The following TLE4 variants were observed in gnomAD, a reference collection of about 807,000 sequenced individuals.
TLE4 encodes the protein transducin-like enhancer protein 4.
In TLE4, 8 loss-of-function variants were observed where a neutral mutation model predicts 92.8. That is an observed-to-expected ratio of 0.09 (90% confidence interval 0.05 to 0.16). The LOEUF (loss-of-function observed/expected upper bound fraction) is 0.16. Among genes scored for constraint, TLE4 ranks in the 10% least tolerant of loss-of-function variants. The pLI, the probability that TLE4 is intolerant of heterozygous loss-of-function variation, is 1.00. For missense variants in TLE4, 675 were observed against 997.6 expected (o/e 0.68, Z 4.36); for synonymous variants, 371 against 374.1 (o/e 0.99, Z 0.10).
intron 4 of TLE4, among the ~76,000 whole-genome samples, chr9:79,592,636 T>C (rs2042995869): frequency 1.3e-5 from 2 of 152,140 alleles, no homozygotes; most frequent in South Asian, 4.1e-4. Context: ...TATATAGACA[T>C]AGTGGAATTT....
At chr9:79,590,788 T>G in intron 4 of TLE4, among the ~76,000 whole-genome samples, 1 of 152,224 alleles carries the variant, frequency 6.6e-6, no homozygotes, top group Non-Finnish European at 1.5e-5. Context: ...TTTGCCACTT[T>G]CTTTCTGTTT....
rs1289129856 is a variant in TLE4, at chr9:79,726,302, T to TG, written c.*1159dup. On this transcript the variant is annotated 3_prime_UTR_variant, in exon 20 of 20. Transcript: ENST00000376552. ...GTGTTATCTTTTATGTTGTTGTTGT[T>TG]GCTGTTAAACTATAATATGTGACTT... 6.5e-6 allele frequency: 1 copy of TG among 152,672 alleles called. No homozygotes were observed. The highest frequency in any genetic ancestry group is 1.5e-5 in the Non-Finnish European group (1 of 68,048). 9.5% of individuals were successfully genotyped at this position (152,672 alleles called of 1,614,324 possible). A position where few individuals can be genotyped will look rare whatever the true frequency, so the allele number is the denominator to read the frequency against.
At chr9:79,636,268 G>C (rs1429925492) in intron 6 of TLE4, among the ~76,000 whole-genome samples, 1 of 151,966 alleles carries the variant, frequency 6.6e-6, no homozygotes. Context: ...GACCAGCCTG[G>C]GCAACAGCAG....
At chr9:79,573,092 C>G (rs1208892750) in intron 1 of TLE4, among the ~76,000 whole-genome samples, 2 of 152,082 alleles carry the variant, frequency 1.3e-5, no homozygotes, top group Admixed American at 6.5e-5. Flanking sequence ...CGCGCCGAGC[C>G]GTTTGCGGTC....
At position 79,592,219 on chromosome 9, in the gene TLE4, T is replaced by C. The variant is rs572938702; in HGVS notation, c.252+16042T>C. ...CTTCTTCTTCTTCTTCTTCTTCCTCTTCTTCTTCTTCTTCTTCCTTCTGCT... is the reference window on the plus strand; with the variant it reads ...CTTCTTCTTCTTCTTCTTCTTCCTCCTCTTCTTCTTCTTCTTCCTTCTGCT... On this transcript the variant is annotated intron_variant, in intron 4 of 19. Transcript: ENST00000376552. Among the ~76,000 whole-genome samples, 584 of 127,636 alleles carry C rather than the reference T, an allele frequency of 4.6e-3. 3 individuals are homozygous for C. Among genetic ancestry groups the C allele is most frequent in the Non-Finnish European group, 6.7e-3 (416 of 62,446 alleles). The allele number at this position is 127,636 out of a possible 152,430, so 83.7% of individuals were successfully genotyped here.
chr9:79,599,064 T>C (rs1282337667), intron 4 of TLE4, among the ~76,000 whole-genome samples: 2 of 152,194 alleles, frequency 1.3e-5, no homozygotes, highest in African/African-American at 4.8e-5. Flanking sequence ...AATCTCTTCT[T>C]TCCGTCCACA....
chr9:79,690,598 C>T (rs1160953242), intron 8 of TLE4, among the ~76,000 whole-genome samples: 3 of 151,744 alleles, frequency 2.0e-5, no homozygotes, highest in African/African-American at 7.3e-5. Context: ...TTTAGGTTAC[C>T]TAAGACTCCT....
intron 4 of TLE4, among the ~76,000 whole-genome samples, chr9:79,592,216 CTCTTCTTCT>C (rs528773975): frequency 1.0e-5 from 1 of 98,288 alleles, no homozygotes; most frequent in Non-Finnish European, 2.1e-5. Flanking sequence ...CTTCTTCTTC[CTCTTCTTCT>C]TCTTCTTCTT....
chr9:79,614,188 A>G (rs112864195), intron 5 of TLE4, among the ~76,000 whole-genome samples: 7 of 152,232 alleles, frequency 4.6e-5, no homozygotes, highest in Admixed American at 2.6e-4. Context: ...AGAATGTGTG[A>G]CCTACAGAGC....
At chr9:79,656,313 G>A (rs1432806960) in intron 8 of TLE4, among the ~76,000 whole-genome samples, 16 of 152,104 alleles carry the variant, frequency 1.1e-4, no homozygotes, top group Non-Finnish European at 1.2e-4. Flanking sequence ...CAGCCAGAGC[G>A]TGCCAGTTGC....
At chr9:79,602,539 C>T (rs1113107) in intron 4 of TLE4, among the ~76,000 whole-genome samples, 40,900 of 152,070 alleles carry the variant, frequency 0.27, 6,192 homozygotes, top group African/African-American at 0.42. Context: ...AACTACAAAG[C>T]CTGGGTGACA....
At chr9:79,646,856 T>A (rs1023070431) in intron 6 of TLE4, among the ~76,000 whole-genome samples, 2 of 152,182 alleles carry the variant, frequency 1.3e-5, no homozygotes, top group African/African-American at 4.8e-5. Flanking sequence ...GATGCCTGAG[T>A]ATAATTTTTC....
At chr9:79,573,889 C>CAAA in intron 2 of TLE4, 103 bp downstream of exon 2, 1 of 774,342 alleles carries the variant, frequency 1.3e-6, no homozygotes, top group Non-Finnish European at 1.9e-6. Context: ...GGGGGCGTCA[C>CAAA]AAAGGTATTA....
intron 4 of TLE4, among the ~76,000 whole-genome samples, chr9:79,589,310 T>G (rs1214542673): frequency 6.6e-6 from 1 of 152,204 alleles, no homozygotes; most frequent in East Asian, 1.9e-4. Context: ...GTACTTAACC[T>G]TTTCAGGTTT....
chr9:79,573,464 CG>C (rs2036550294), intron 1 of TLE4: 1 of 1,035,868 alleles, frequency 9.7e-7, no homozygotes, highest in African/African-American at 1.7e-5. Flanking sequence ...GTCCGGGGCG[CG>C]GGGGCCTGCG....
At chr9:79,573,809 A>G (rs2036734994) in intron 2 of TLE4, 23 bp downstream of exon 2, 2 of 1,517,898 alleles carry the variant, frequency 1.3e-6, no homozygotes, top group African/African-American at 1.4e-5. Flanking sequence ...ACTTTAGCTG[A>G]TCCTTCTGTT....
intron 1 of TLE4, 65 bp downstream of exon 1, chr9:79,572,900 G>C: frequency 1.3e-6 from 2 of 1,526,736 alleles, no homozygotes; most frequent in East Asian, 5.0e-5. Context: ...CGCCCCCTGC[G>C]CACCGAGTTG....
chr9:79,654,336 C>T (rs1202324391), intron 8 of TLE4, among the ~76,000 whole-genome samples: 1 of 147,666 alleles, frequency 6.8e-6, no homozygotes, highest in Non-Finnish European at 1.5e-5. Flanking sequence ...TATTATTTGC[C>T]ATGTGAAAAA....
At chr9:79,583,561 A>G (rs1389473595) in intron 4 of TLE4, among the ~76,000 whole-genome samples, 1 of 152,162 alleles carries the variant, frequency 6.6e-6, no homozygotes, top group Non-Finnish European at 1.5e-5. Context: ...AACCTAGGCA[A>G]AGTGAGAGGT....
Sources: allele counts gnomAD v4.1 joint callset (sites outside exome capture counted in the v4.1 genomes callset), GRCh38; gene constraint gnomAD v4.1.1; transcripts MANE v1.5; gene names NCBI Gene and HGNC (gene_info 2026-07-23, HGNC 2026-07-21).